The following C13orf46 variants were observed in gnomAD, a reference collection of about 807,000 sequenced individuals.
C13orf46 encodes chromosome 13 open reading frame 46.
the C13orf46 span, among the ~76,000 whole-genome samples, chr13:113,946,689 G>A: frequency 2.0e-5 from 3 of 152,356 alleles, no homozygotes; most frequent in Non-Finnish European, 2.9e-5. Context: ...CTATGGCATC[G>A]TCAGGCCACG....
At chr13:113,958,166 C>A (rs2052557604) in intron 6 of C13orf46, among the ~76,000 whole-genome samples, 1 of 151,242 alleles carries the variant, frequency 6.6e-6, no homozygotes, top group African/African-American at 2.4e-5. Context: ...GGGGGGTCTC[C>A]CCTGCACTCT....
chr13:113,935,637 G>A, the C13orf46 span, among the ~76,000 whole-genome samples: 1 of 152,372 alleles, frequency 6.6e-6, no homozygotes, highest in African/African-American at 2.4e-5. Context: ...CAAACTGGCA[G>A]CCACTGGCAA....
chr13:113,949,783 C>T (rs1011095752), downstream of C13orf46, among the ~76,000 whole-genome samples: 53 of 149,910 alleles, frequency 3.5e-4, no homozygotes, highest in Non-Finnish European at 6.7e-4. Flanking sequence ...ACTCATGTCT[C>T]AGGCACCTTG....
chr13:113,958,449 T>C (rs976959155), intron 6 of C13orf46, among the ~76,000 whole-genome samples: 13 of 152,214 alleles, frequency 8.5e-5, no homozygotes, highest in African/African-American at 2.9e-4. Flanking sequence ...CTGGAGCCAC[T>C]ATGTTCTTAA....
the C13orf46 span, among the ~76,000 whole-genome samples, chr13:113,939,467 C>G: frequency 1.3e-5 from 2 of 152,002 alleles, no homozygotes; most frequent in African/African-American, 4.8e-5. Flanking sequence ...ATGGGGGCCA[C>G]CTGGACGGGG....
At chr13:113,950,640 T>C (rs947034672), downstream of C13orf46, among the ~76,000 whole-genome samples, 21 of 152,018 alleles carry the variant, frequency 1.4e-4, no homozygotes, top group African/African-American at 4.8e-4. Flanking sequence ...ACACGGAGAG[T>C]TGACCTCCCA....
the C13orf46 span, among the ~76,000 whole-genome samples, chr13:113,947,258 T>A: frequency 6.6e-6 from 1 of 152,270 alleles, no homozygotes; most frequent in East Asian, 1.9e-4. Flanking sequence ...TCGGGGCAGG[T>A]TACTTACGGG....
downstream of C13orf46, among the ~76,000 whole-genome samples, chr13:113,952,299 C>T (rs1293066898): frequency 7.0e-6 from 1 of 143,832 alleles, no homozygotes; most frequent in African/African-American, 2.6e-5. Flanking sequence ...TGCCCAGGGC[C>T]GCTGTGTGGC....
the C13orf46 span, among the ~76,000 whole-genome samples, chr13:113,945,661 AAAGAAAGAAAGG>A: frequency 5.8e-5 from 8 of 137,800 alleles, no homozygotes; most frequent in Non-Finnish European, 6.5e-5. Flanking sequence ...AGAAAGAAAG[AAAGAAAGAAAGG>A]AAAGAAAAAC....
the C13orf46 span, chr13:113,928,101 C>T: frequency 1.3e-5 from 2 of 153,224 alleles, no homozygotes; most frequent in Non-Finnish European, 1.5e-5. Flanking sequence ...TCTGTTTATC[C>T]TTTTAAGTGA....
At chr13:113,960,448 T>C (rs909075750) in intron 6 of C13orf46, among the ~76,000 whole-genome samples, 3 of 152,218 alleles carry the variant, frequency 2.0e-5, no homozygotes, top group Non-Finnish European at 2.9e-5. Context: ...CAGCTTCTGC[T>C]GTCCCTTGTC....
At chr13:113,931,952 C>G in the C13orf46 span, among the ~76,000 whole-genome samples, 1 of 152,286 alleles carries the variant, frequency 6.6e-6, no homozygotes, top group East Asian at 1.9e-4. Flanking sequence ...TGCCCCGTCC[C>G]TCCACCCTCC....
chr13:113,958,725 T>C (rs1466044423), intron 6 of C13orf46, among the ~76,000 whole-genome samples: 1 of 152,206 alleles, frequency 6.6e-6, no homozygotes, highest in Non-Finnish European at 1.5e-5. Context: ...AGCTTTTTTT[T>C]CCTTAATTGG....
At chr13:113,949,051 T>C (rs2052479729), downstream of C13orf46, among the ~76,000 whole-genome samples, 1 of 152,278 alleles carries the variant, frequency 6.6e-6, no homozygotes, top group South Asian at 2.1e-4. Context: ...CCCCCACTCC[T>C]GGGAGGGGCC....
At chr13:113,948,114 G>T in the C13orf46 span, among the ~76,000 whole-genome samples, 1 of 152,196 alleles carries the variant, frequency 6.6e-6, no homozygotes, top group Non-Finnish European at 1.5e-5. Flanking sequence ...TCAAAAACCT[G>T]CCTGAGCACA....
intron 6 of C13orf46, among the ~76,000 whole-genome samples, chr13:113,957,996 T>C (rs1823249146): frequency 7.2e-6 from 1 of 138,454 alleles, no homozygotes. Context: ...GCACCCCCTT[T>C]CATCAAGCAC....
chr13:113,938,667 G>A, the C13orf46 span, among the ~76,000 whole-genome samples: 3,207 of 152,304 alleles, frequency 0.021, 44 homozygotes, highest in Non-Finnish European at 0.029. Flanking sequence ...AGCCTCCGAC[G>A]TCTTTGGGAG....
At chr13:113,951,730 C>T (rs1299504021), downstream of C13orf46, among the ~76,000 whole-genome samples, 3 of 152,260 alleles carry the variant, frequency 2.0e-5, no homozygotes, top group Non-Finnish European at 4.4e-5. Flanking sequence ...CAGGCCATGG[C>T]GCTGCGGCCC....
At chr13:113,931,527 C>T in the C13orf46 span, among the ~76,000 whole-genome samples, 631 of 152,288 alleles carry the variant, frequency 4.1e-3, 10 homozygotes, top group East Asian at 0.049. Flanking sequence ...ATGAGCGCCC[C>T]TCAGACGGCA....
Sources: gnomAD v4.1 joint callset for allele counts (sites outside exome capture counted in the v4.1 genomes callset) on GRCh38, gnomAD v4.1.1 for gene constraint, MANE v1.5 for transcripts, NCBI Gene and HGNC (gene_info 2026-07-23, HGNC 2026-07-21) for gene names.